EXOC4: variants seen among roughly 807,000 people sequenced by gnomAD.
The protein encoded by EXOC4 is exocyst complex component 4.
A neutral mutation model predicts 107.2 loss-of-function variants in EXOC4; 71 were observed. The observed-to-expected ratio is 0.66, with a 90% CI of 0.55 to 0.81. The LOEUF (loss-of-function observed/expected upper bound fraction) is 0.81, where lower values mean the gene tolerates loss of function less well. Among genes scored for constraint, EXOC4 ranks in the 30% least tolerant of loss-of-function variants. The pLI, the probability that EXOC4 is intolerant of heterozygous loss-of-function variation, is 0.00. For missense variants in EXOC4, 1,108 were observed against 1,189.6 expected, an observed-to-expected ratio of 0.93 and a Z score of 1.01; for synonymous variants, 456 against 441.2, an observed-to-expected ratio of 1.03 and a Z score of -0.42.
chr7:133,646,800 T>G (rs1258854458), intron 10 of EXOC4, among the ~76,000 whole-genome samples: 2 of 152,204 alleles, frequency 1.3e-5, no homozygotes, highest in Non-Finnish European at 2.9e-5. Context: ...GGAAGATGGA[T>G]GCATTTCTAA....
chr7:133,691,994 T>C lies in EXOC4; in HGVS notation c.1514+61853T>C, dbSNP rs574383351. Among the ~76,000 whole-genome samples, 14 of 152,256 alleles carry C rather than the reference T, an allele frequency of 9.2e-5. No homozygotes were observed. In the East Asian group the frequency reaches 2.5e-3, roughly 27 times the overall value. ...GCTGTTGGAGAGACCATCTCATCTC[T>C]GATGGGAGGAAAAATAATATAGAGG... is the stretch of plus-strand genomic sequence containing the variant. On this transcript the variant is annotated intron_variant, in intron 10 of 17. Transcript: ENST00000253861.
At position 133,903,968 on chromosome 7, in the gene EXOC4, T is replaced by C. The variant is rs900233588; in HGVS notation, c.1871+8233T>C. ...ACTGAGTGATAAATGTAGCACGGACTGAGTGATAAATGTAAATGTTTTTGT... is the reference window on the plus strand; with the variant it reads ...ACTGAGTGATAAATGTAGCACGGACCGAGTGATAAATGTAAATGTTTTTGT... On this transcript the variant is annotated intron_variant, in intron 12 of 17. Coordinates refer to ENST00000253861, the MANE Select transcript of EXOC4 (RefSeq NM_021807.4). Among the ~76,000 whole-genome samples the C allele has an allele frequency of 4.6e-5, 7 of 152,238 alleles. No individual in the cohort carries two copies. The East Asian group carries it at 1.4e-3, about 29-fold the overall frequency.
intron 5 of EXOC4, among the ~76,000 whole-genome samples, chr7:133,345,852 G>A (rs1584835435): frequency 6.6e-6 from 1 of 152,174 alleles, no homozygotes; most frequent in Non-Finnish European, 1.5e-5. Flanking sequence ...TCTGGAGTGG[G>A]TGTTGTATTG....
At chr7:133,649,480 TTTTTTA>T (rs1803082297) in intron 10 of EXOC4, among the ~76,000 whole-genome samples, 4 of 118,270 alleles carry the variant, frequency 3.4e-5, no homozygotes, top group South Asian at 2.5e-4. Context: ...TTTTTTTTTT[TTTTTTA>T]ACCAGTAAAG....
chr7:133,417,851 G>A (rs1797514685), intron 7 of EXOC4, among the ~76,000 whole-genome samples: 1 of 152,100 alleles, frequency 6.6e-6, no homozygotes, highest in African/African-American at 2.4e-5. Context: ...TTTGTAGACT[G>A]TGCATGTGAA....
At chr7:133,685,767 T>TG (rs1443789234) in intron 10 of EXOC4, among the ~76,000 whole-genome samples, 3 of 152,158 alleles carry the variant, frequency 2.0e-5, no homozygotes, top group Admixed American at 6.6e-5. Context: ...GGTGTACAAG[T>TG]GCATTTTTGT....
At chr7:133,350,448 C>T (rs1451514342) in intron 5 of EXOC4, among the ~76,000 whole-genome samples, 1 of 152,074 alleles carries the variant, frequency 6.6e-6, no homozygotes, top group East Asian at 1.9e-4. Context: ...ATTGAATGGT[C>T]TTGGTATTCT....
intron 9 of EXOC4, among the ~76,000 whole-genome samples, chr7:133,550,102 C>A (rs945437323): frequency 3.3e-5 from 5 of 152,082 alleles, no homozygotes; most frequent in Non-Finnish European, 7.4e-5. Context: ...TGTTACAAAG[C>A]CCTTGTTGCC....
chr7:134,063,307 C>A (rs1796111017), intron 17 of EXOC4, among the ~76,000 whole-genome samples: 2 of 152,176 alleles, frequency 1.3e-5, no homozygotes, highest in Admixed American at 1.3e-4. Context: ...CCCACACCAT[C>A]CCCTCAGCAT....
In EXOC4 at chr7:134,007,815, G is replaced by A; in HGVS notation, c.2667G>A (p.Glu889=). ...TGACCAACATCACCATGTCGCGGGA[G>A]GCAGACCTGGACTTTGCAAGGTAGG... ...QNLTNITMSR[E]ADLDFARQYY... Residue 889 remains glutamate (E), a synonymous_variant, in exon 17 of 18, where the codon GAG becomes GAA. Transcript: ENST00000253861. 2 of 1,613,186 alleles carry A rather than the reference G, an allele frequency of 1.2e-6. No individual in the cohort carries two copies. Among genetic ancestry groups the A allele is most frequent in the South Asian group, 1.1e-5 (1 of 90,988 alleles).
At chr7:133,900,731 T>G (rs1169444223) in intron 12 of EXOC4, among the ~76,000 whole-genome samples, 1 of 152,076 alleles carries the variant, frequency 6.6e-6, no homozygotes, top group Non-Finnish European at 1.5e-5. Context: ...AGTAAAGAGG[T>G]AAACTTGATA....
chr7:133,361,877 A>G (rs1796144227), intron 6 of EXOC4, among the ~76,000 whole-genome samples: 1 of 152,216 alleles, frequency 6.6e-6, no homozygotes, highest in African/African-American at 2.4e-5. Flanking sequence ...GGTGATAGGT[A>G]CAAGGTGGTT....
rs1302466268 is a variant in EXOC4 at position 133,604,706 on chromosome 7, CTTTCTTTTTTTTTTTTTT to C, written c.1418-25335_1418-25318del. ...TTTTTCTTTCCTTCCTTCCTTCCTT[CTTTCTTTTTTTTTTTTTT>C]TTTTTTTTTTTTTTTTTGAGGCAGA... On this transcript the variant is annotated intron_variant, in intron 9 of 17. Transcript: ENST00000253861. Among the ~76,000 whole-genome samples, 105 of 87,558 alleles carry C rather than the reference CTTTCTTTTTTTTTTTTTT, an allele frequency of 1.2e-3. 1 individual carries two copies. Among genetic ancestry groups the C allele is most frequent in the African/African-American group, 3.9e-3 (88 of 22,718 alleles). 57.4% of individuals were successfully genotyped at this position (87,558 alleles called of 152,430 possible).
chr7:133,819,142 C>T (rs1273764225), intron 11 of EXOC4, among the ~76,000 whole-genome samples: 2 of 152,154 alleles, frequency 1.3e-5, no homozygotes, highest in African/African-American at 4.8e-5. Flanking sequence ...TTCTCCTTGC[C>T]TCTTGATTTC....
chr7:133,565,266 C>G (rs557879651), intron 9 of EXOC4, among the ~76,000 whole-genome samples: 1 of 152,104 alleles, frequency 6.6e-6, no homozygotes, highest in Non-Finnish European at 1.5e-5. Flanking sequence ...TGAGCTTAAC[C>G]GCCTCCACTC....
intron 13 of EXOC4, among the ~76,000 whole-genome samples, chr7:133,919,857 T>C (rs1585249103): frequency 1.3e-5 from 2 of 152,338 alleles, no homozygotes; most frequent in South Asian, 4.1e-4. Flanking sequence ...ATTTGTGTGC[T>C]GGTTTTTATG....
rs150512561 is a variant in EXOC4, at chr7:133,266,237, TTTC to T, written c.87-8740_87-8738del. ...GGAGAGGGCTTCTCCTTCCTTTTCC[TTTC>T]TTCTAAGCACATCAGTCCTTTTGGA... On this transcript the variant is annotated intron_variant, in intron 1 of 17. Coordinates refer to ENST00000253861, the MANE Select transcript of EXOC4 (RefSeq NM_021807.4). 9.9e-3 allele frequency among the ~76,000 whole-genome samples: 1,502 copies of T among 152,296 alleles called. 10 individuals are homozygous for T. The highest frequency in any genetic ancestry group is 0.016 in the Non-Finnish European group (1,119 of 68,014).
At chr7:134,033,267 G>T (rs1795308848) in intron 17 of EXOC4, among the ~76,000 whole-genome samples, 1 of 152,114 alleles carries the variant, frequency 6.6e-6, no homozygotes, top group Non-Finnish European at 1.5e-5. Flanking sequence ...TATCCTACAG[G>T]ACTATTTTCT....
At chr7:134,035,567 T>C (rs564648168) in intron 17 of EXOC4, among the ~76,000 whole-genome samples, 3 of 152,358 alleles carry the variant, frequency 2.0e-5, no homozygotes, top group South Asian at 4.1e-4. Context: ...ATTTATCTTT[T>C]AGGATACTTT....
Sources: gnomAD v4.1 joint callset for allele counts (sites outside exome capture counted in the v4.1 genomes callset) on GRCh38, gnomAD v4.1.1 for gene constraint, MANE v1.5 for transcripts, NCBI Gene and HGNC (gene_info 2026-07-23, HGNC 2026-07-21) for gene names.